PAPPA2: variants seen among roughly 807,000 people sequenced by gnomAD.
PAPPA2 encodes pappalysin 2.
In PAPPA2, 86 loss-of-function variants were observed where a neutral mutation model predicts 176.4. The ratio of observed to expected loss-of-function variants is 0.49; its 90% confidence interval spans 0.41 to 0.58. PAPPA2 has a LOEUF of 0.58. Ranked by LOEUF, PAPPA2 falls within the 20% of genes least tolerant of loss-of-function variation. PAPPA2 has a pLI of 0.00. For synonymous variants in PAPPA2, 809 were observed against 852.2 expected (o/e 0.95, Z 0.88); for missense variants, 2,073 against 2,256.9 (o/e 0.92, Z 1.65).
At chr1:176,595,745 C>T (rs1573098209) in intron 3 of PAPPA2, 150 bp downstream of exon 3, 3 of 773,380 alleles carry the variant, frequency 3.9e-6, no homozygotes, top group Non-Finnish European at 6.0e-6. Flanking sequence ...TTGTGAAGTG[C>T]TAGGTGTTCT....
chr1:176,671,234 T>A, intron 4 of PAPPA2, 119 bp downstream of exon 4: 1 of 1,342,648 alleles, frequency 7.4e-7, no homozygotes, highest in Non-Finnish European at 1.0e-6. Flanking sequence ...CACAGTGAAT[T>A]AACTGCTTTG....
intron 14 of PAPPA2, among the ~76,000 whole-genome samples, 161 bp downstream of exon 14, chr1:176,740,357 G>A (rs542111300): frequency 9.2e-5 from 14 of 152,246 alleles, no homozygotes; most frequent in African/African-American, 2.9e-4. Context: ...AGAATAATTT[G>A]TGGAAGGCAT....
At position 176,844,880 on chromosome 1, in the gene PAPPA2, A is replaced by G. The variant is rs1667610068; in HGVS notation, c.*2426A>G. On this transcript the variant is annotated 3_prime_UTR_variant, in exon 23 of 23. Coordinates refer to ENST00000367662, the MANE Select transcript of PAPPA2 (RefSeq NM_020318.3). ...TCTCCACAAGAGCAACAGTAAGAAC[A>G]TTTCTGTTTTAAATTTCATTTTAAA... is the stretch of plus-strand genomic sequence containing the variant. 6.6e-6 allele frequency: 1 copy of G among 152,124 alleles called. No individual in the cohort carries two copies. The highest frequency in any genetic ancestry group is 1.5e-5 in the Non-Finnish European group (1 of 68,006). The allele number at this position is 152,124 out of a possible 1,614,324, so 9.4% of individuals were successfully genotyped here.
intron 12 of PAPPA2, among the ~76,000 whole-genome samples, chr1:176,735,745 A>T (rs144007604): frequency 6.7e-6 from 1 of 149,878 alleles, no homozygotes; most frequent in African/African-American, 2.5e-5. Flanking sequence ...TCTATCATCT[A>T]TCTGTCTGTC....
At chr1:176,795,780 G>A (rs552286000) in intron 20 of PAPPA2, among the ~76,000 whole-genome samples, 11 of 152,224 alleles carry the variant, frequency 7.2e-5, no homozygotes, top group Admixed American at 6.5e-4. Context: ...CCAAATAAAT[G>A]AGATTTTCCT....
intron 1 of PAPPA2, among the ~76,000 whole-genome samples, chr1:176,531,875 C>G (rs931490582): frequency 9.8e-5 from 15 of 152,306 alleles, no homozygotes; most frequent in African/African-American, 3.4e-4. Context: ...CACTGGCTCT[C>G]TGGCACATGT....
At chr1:176,765,529 G>T in intron 14 of PAPPA2, 137 bp from the exon 15 acceptor site, 1 of 764,096 alleles carries the variant, frequency 1.3e-6, no homozygotes, top group Non-Finnish European at 2.1e-6. Context: ...GAGAAAAAAG[G>T]TGATGAGTTA....
chr1:176,716,766 C>G (rs929487653), intron 12 of PAPPA2, among the ~76,000 whole-genome samples: 4 of 151,532 alleles, frequency 2.6e-5, no homozygotes, highest in African/African-American at 9.7e-5. Context: ...CACCCGCCAC[C>G]ATGCCCGGCT....
At chr1:176,539,278 G>T (rs183346256) in intron 1 of PAPPA2, among the ~76,000 whole-genome samples, 16 of 152,280 alleles carry the variant, frequency 1.1e-4, no homozygotes, top group Non-Finnish European at 2.1e-4. Context: ...TGAATAAATT[G>T]TATGGGGTCC....
chr1:176,570,558 C>A (rs547173815), intron 2 of PAPPA2, among the ~76,000 whole-genome samples: 1 of 151,968 alleles, frequency 6.6e-6, no homozygotes, highest in Admixed American at 6.5e-5. Context: ...ATAGAATATT[C>A]TTATAATCCT....
At chr1:176,769,155 G>T (rs188211817) in intron 15 of PAPPA2, among the ~76,000 whole-genome samples, 1 of 152,178 alleles carries the variant, frequency 6.6e-6, no homozygotes, top group Non-Finnish European at 1.5e-5. Flanking sequence ...AATCTGCAGC[G>T]ACCCTTGGGA....
chr1:176,682,492 A>C (rs908631769), intron 4 of PAPPA2, among the ~76,000 whole-genome samples: 3 of 152,238 alleles, frequency 2.0e-5, no homozygotes, highest in Admixed American at 2.0e-4. Flanking sequence ...TAATTTTTAA[A>C]AATTTTAATT....
intron 1 of PAPPA2, among the ~76,000 whole-genome samples, chr1:176,529,650 C>A (rs1258055673): frequency 1.3e-5 from 2 of 152,208 alleles, no homozygotes; most frequent in African/African-American, 4.8e-5. Context: ...ACATCTCTTC[C>A]AAATGTGCCC....
rs557625059 is a variant in PAPPA2 at position 176,556,491 on chromosome 1, C to T, written c.169C>T (p.Arg57Ter). The part of the protein sequence containing the change: ...GERCWLGAKV[R>*]RPRASPQHHL... ...ACGTTGTTGGCTGGGGGCCAAGGTT[C>T]GAAGACCCAGAGCTTCTCCACAGCA... Residue 57 changes from arginine to a stop codon, truncating the protein, a stop_gained, in exon 2 of 23, where the codon CGA becomes TGA. Transcript: ENST00000367662. LOFTEE classifies it high-confidence loss of function. 2.5e-6 allele frequency: 4 copies of T among 1,614,152 alleles called. No individual in the cohort carries two copies. Among genetic ancestry groups the T allele is most frequent in the African/African-American group, 1.3e-5 (1 of 75,028 alleles).
chr1:176,721,950 C>T (rs1313718039), intron 12 of PAPPA2, among the ~76,000 whole-genome samples: 1 of 151,396 alleles, frequency 6.6e-6, no homozygotes, highest in Non-Finnish European at 1.5e-5. Context: ...TTCATGCTGT[C>T]GTCTGATTAT....
At chr1:176,807,691 T>C (rs1372346928) in intron 21 of PAPPA2, among the ~76,000 whole-genome samples, 5 of 152,102 alleles carry the variant, frequency 3.3e-5, no homozygotes, top group Non-Finnish European at 7.4e-5. Context: ...AGACAGGGTT[T>C]CATCATCTTG....
At chr1:176,685,849 AGCTTT>A (rs1406398332) in intron 4 of PAPPA2, among the ~76,000 whole-genome samples, 1 of 152,232 alleles carries the variant, frequency 6.6e-6, no homozygotes, top group Non-Finnish European at 1.5e-5. Flanking sequence ...GCCTCACTCC[AGCTTT>A]GGCATGAGTA....
At chr1:176,696,812 A>G (rs1660409072) in intron 7 of PAPPA2, among the ~76,000 whole-genome samples, 1 of 152,206 alleles carries the variant, frequency 6.6e-6, no homozygotes, top group South Asian at 2.1e-4. Flanking sequence ...GACACGAAAA[A>G]AAAGGAGAAT....
intron 12 of PAPPA2, among the ~76,000 whole-genome samples, chr1:176,716,594 C>A (rs1342237689): frequency 1.4e-5 from 2 of 143,506 alleles, no homozygotes; most frequent in African/African-American, 5.3e-5. Flanking sequence ...TACAACAATT[C>A]CTTCCTTCTT....
Sources: allele counts gnomAD v4.1 joint callset (sites outside exome capture counted in the v4.1 genomes callset), GRCh38; gene constraint gnomAD v4.1.1; transcripts MANE v1.5; gene names NCBI Gene and HGNC (gene_info 2026-07-23, HGNC 2026-07-21).